The following EPS15 variants were observed in gnomAD, a reference collection of about 807,000 sequenced individuals.
The protein encoded by EPS15 is epidermal growth factor receptor substrate 15.
Under a neutral mutation model 113.8 loss-of-function variants are expected in EPS15, and 72 were observed. The observed-to-expected ratio is 0.63, with a 90% CI of 0.52 to 0.77. The LOEUF (loss-of-function observed/expected upper bound fraction) is 0.77, where lower values mean the gene tolerates loss of function less well. Among genes scored for constraint, EPS15 ranks in the 30% least tolerant of loss-of-function variants. The pLI, the probability that EPS15 is intolerant of heterozygous loss-of-function variation, is 0.00. For missense variants in EPS15, 1,048 were observed against 1,045.8 expected, an observed-to-expected ratio of 1.00 and a Z score of -0.03; for synonymous variants, 344 against 363.4, an observed-to-expected ratio of 0.95 and a Z score of 0.61.
chr1:51,436,726 A>G (rs970018772), intron 12 of EPS15, among the ~76,000 whole-genome samples: 4 of 152,268 alleles, frequency 2.6e-5, no homozygotes, highest in African/African-American at 9.6e-5. Flanking sequence ...AAGAGATGGG[A>G]AGGTAAGGAA....
chr1:51,470,081 C>A (rs542498301), intron 4 of EPS15, among the ~76,000 whole-genome samples: 1 of 152,130 alleles, frequency 6.6e-6, no homozygotes. Flanking sequence ...ATTTGAGATT[C>A]AATTACTCTT....
chr1:51,397,725 G>A (rs1648098758), intron 20 of EPS15, among the ~76,000 whole-genome samples: 1 of 152,102 alleles, frequency 6.6e-6, no homozygotes. Context: ...ATACAAAAAA[G>A]AAGCAACTTT....
intron 23 of EPS15, among the ~76,000 whole-genome samples, chr1:51,361,997 T>C (rs1646396970): frequency 6.6e-6 from 1 of 152,226 alleles, no homozygotes; most frequent in Non-Finnish European, 1.5e-5. Context: ...CAAACAATAG[T>C]ATTCTGTCCT....
Position 51,354,339 on chromosome 1 carries a change from G to C in EPS15, c.*2361C>G, listed in dbSNP as rs541113424. The C allele has an allele frequency of 4.0e-4, 71 of 179,664 alleles. No homozygotes were observed. The highest frequency in any genetic ancestry group is 1.5e-3 in the African/African-American group (64 of 42,432). The allele number at this position is 179,664 out of a possible 1,614,324, so 11.1% of individuals were successfully genotyped here. A position where few individuals can be genotyped will look rare whatever the true frequency, so the allele number is the denominator to read the frequency against. Reference sequence around the variant, plus strand: ...TTACATATATTAATCTGTGCTGATTGTATGTACCTACTCCTCCTTGGACAC... The same window carrying C: ...TTACATATATTAATCTGTGCTGATTCTATGTACCTACTCCTCCTTGGACAC... On this transcript the variant is annotated 3_prime_UTR_variant, in exon 25 of 25. Transcript: ENST00000371733.
chr1:51,452,431 C>T (rs566983414), intron 8 of EPS15, among the ~76,000 whole-genome samples: 201 of 152,236 alleles, frequency 1.3e-3, no homozygotes, highest in South Asian at 3.5e-3. Context: ...TACATGCGTA[C>T]GTCACCATGC....
chr1:51,417,055 CA>C (rs1247177768), intron 13 of EPS15, among the ~76,000 whole-genome samples: 1 of 152,018 alleles, frequency 6.6e-6, no homozygotes, highest in African/African-American at 2.4e-5. Context: ...ACCCCATTAA[CA>C]GACTGCCTTT....
At position 51,423,529 on chromosome 1, in the gene EPS15, C is replaced by G. The variant is rs1298308977; in HGVS notation, c.1041-1671G>C. ...CACATGAAAATCTAGCACCCTCCCC[C>G]CATCCCAAATCCTCAGAGGCATTCC... On this transcript the variant is annotated intron_variant, in intron 12 of 24. Transcript: ENST00000371733. 5 of 985,276 alleles carry G rather than the reference C, an allele frequency of 5.1e-6. No individual in the cohort carries two copies. The East Asian group carries it at 4.5e-4, about 89-fold the overall frequency. The allele number at this position is 985,276 out of a possible 1,614,324, so 61.0% of individuals were successfully genotyped here. A position where few individuals can be genotyped will look rare whatever the true frequency, so the allele number is the denominator to read the frequency against.
intron 1 of EPS15, among the ~76,000 whole-genome samples, chr1:51,501,571 C>A (rs1164041477): frequency 6.6e-6 from 1 of 150,932 alleles, no homozygotes; most frequent in Non-Finnish European, 1.5e-5. Context: ...CCTCGCCTCC[C>A]GGGTTCAAGC....
chr1:51,456,177 C>T (rs539666724), intron 8 of EPS15, among the ~76,000 whole-genome samples: 145 of 152,058 alleles, frequency 9.5e-4, no homozygotes, highest in Non-Finnish European at 1.8e-3. Context: ...ATAAAAGAAA[C>T]GGGTTAAGAA....
At chr1:51,470,598 G>C (rs1655163232) in intron 4 of EPS15, among the ~76,000 whole-genome samples, 1 of 132,552 alleles carries the variant, frequency 7.5e-6, no homozygotes, top group South Asian at 2.4e-4. Flanking sequence ...AGTGAGCCAA[G>C]ATCACGCCAC....
At chr1:51,481,878 T>C (rs1460359903) in intron 1 of EPS15, among the ~76,000 whole-genome samples, 1 of 152,194 alleles carries the variant, frequency 6.6e-6, no homozygotes, top group Non-Finnish European at 1.5e-5. Flanking sequence ...AATTCAATGT[T>C]TGAAGGATCG....
intron 21 of EPS15, among the ~76,000 whole-genome samples, chr1:51,381,245 T>C (rs372740310): frequency 4.6e-5 from 7 of 152,346 alleles, no homozygotes; most frequent in Non-Finnish European, 7.3e-5. Flanking sequence ...AGACAGAACA[T>C]ACTTTAGGCC....
intron 21 of EPS15, among the ~76,000 whole-genome samples, chr1:51,377,666 A>G (rs1363983552): frequency 6.6e-6 from 1 of 152,202 alleles, no homozygotes; most frequent in African/African-American, 2.4e-5. Context: ...TTCAAAGACT[A>G]TCTTGTGTGG....
intron 5 of EPS15, among the ~76,000 whole-genome samples, chr1:51,466,344 AG>A (rs915140376): frequency 6.6e-6 from 1 of 151,758 alleles, no homozygotes; most frequent in African/African-American, 2.4e-5. Context: ...AATCTAGGCT[AG>A]GTGTGGTGGC....
In EPS15 at chr1:51,519,242, T is replaced by G. The variant is rs749974688; in HGVS notation, c.-11A>C. 1.5e-6 allele frequency: 2 copies of G among 1,290,826 alleles called. No individual in the cohort carries two copies. Among genetic ancestry groups the G allele is most frequent in the Non-Finnish European group, 2.0e-6 (2 of 999,902 alleles). The allele number at this position is 1,290,826 out of a possible 1,614,324, so 80.0% of individuals were successfully genotyped here. On this transcript the variant is annotated 5_prime_UTR_variant, in exon 1 of 25. An upstream start codon of the reference 5' UTR is lost. Coordinates refer to ENST00000371733, the MANE Select transcript of EPS15 (RefSeq NM_001981.3). Reference sequence around the variant, plus strand: ...GGCCGCCGCAGCCATGGTGTTTCCATCATGCAAGGGAGGGGAAGGAAGACG... The same window carrying G: ...GGCCGCCGCAGCCATGGTGTTTCCAGCATGCAAGGGAGGGGAAGGAAGACG...
At position 51,458,435 on chromosome 1, in the gene EPS15, CTAACTA is replaced by C. The variant is rs1298068706; in HGVS notation, c.561+2650_561+2655del. The C allele has an allele frequency of 6.2e-5, 21 of 339,754 alleles. No homozygotes were observed. The East Asian group carries it at 9.8e-4, about 16-fold the overall frequency. 21.0% of individuals were successfully genotyped at this position (339,754 alleles called of 1,614,324 possible). On this transcript the variant is annotated intron_variant, in intron 8 of 24. Transcript: ENST00000371733. ...ATGACACTACTATTCCCCATCTACTCTAACTATATTTTTGTCTTGGGCCTGAAGAGG... is the reference window on the plus strand; with the variant it reads ...ATGACACTACTATTCCCCATCTACTCTATTTTTGTCTTGGGCCTGAAGAGG...
At chr1:51,402,568 G>C in intron 17 of EPS15, 43 bp from the exon 18 acceptor site, 1 of 998,292 alleles carries the variant, frequency 1.0e-6, no homozygotes, top group South Asian at 1.5e-5. Flanking sequence ...AGAAACCAAA[G>C]TTTTAAAAGG....
intron 11 of EPS15, among the ~76,000 whole-genome samples, chr1:51,443,513 A>G (rs889606785): frequency 1.3e-5 from 2 of 152,096 alleles, no homozygotes; most frequent in East Asian, 1.9e-4. Flanking sequence ...GGCCCCCCCC[A>G]TAACTCACAA....
At chr1:51,497,166 A>C (rs564566956) in intron 1 of EPS15, among the ~76,000 whole-genome samples, 1 of 152,352 alleles carries the variant, frequency 6.6e-6, no homozygotes, top group Admixed American at 6.5e-5. Context: ...TACAAATGCA[A>C]CTCAACTGAA....
Sources: gnomAD v4.1 joint callset for allele counts (sites outside exome capture counted in the v4.1 genomes callset) on GRCh38, gnomAD v4.1.1 for gene constraint, MANE v1.5 for transcripts, NCBI Gene and HGNC (gene_info 2026-07-23, HGNC 2026-07-21) for gene names.